Variants in HACD4 observed in about 807,000 individuals in gnomAD.
The protein encoded by HACD4 is very-long-chain (3R)-3-hydroxyacyl-CoA dehydratase 4.
HACD4 carries 35 observed loss-of-function variants against 33.3 expected under a neutral mutation model. The observed-to-expected ratio is 1.05, with a 90% CI of 0.80 to 1.39. HACD4 has a LOEUF of 1.39. HACD4 is among the 40% of genes most tolerant of loss of function. The pLI, the probability that HACD4 is intolerant of heterozygous loss-of-function variation, is 0.00. For synonymous variants in HACD4, 118 were observed against 98.0 expected (o/e 1.20, Z -1.21); for missense variants, 323 against 276.5 (o/e 1.17, Z -1.19).
intron 4 of HACD4, chr9:21,015,574 T>C (rs543996621): frequency 8.2e-5 from 15 of 183,584 alleles, no homozygotes; most frequent in Non-Finnish European, 1.2e-4. Context: ...GCTTTGCTTA[T>C]TAAAGCAACC....
At chr9:21,030,810 T>C (rs889499835) in intron 1 of HACD4, among the ~76,000 whole-genome samples, 1 of 152,168 alleles carries the variant, frequency 6.6e-6, no homozygotes, top group Admixed American at 6.5e-5. Context: ...TGTGAGTTGC[T>C]GGGGAGATGA....
chr9:21,026,489 C>T (rs1818063025), intron 3 of HACD4, 107 bp downstream of exon 3: 2 of 872,766 alleles, frequency 2.3e-6, no homozygotes, highest in Non-Finnish European at 3.6e-6. Context: ...TATCAGTGAC[C>T]TAAGACAAGG....
rs56255100 is a variant in HACD4 at position 21,029,320 on chromosome 9, T to C, written c.117A>G (p.Thr39=). 6 of 1,588,192 alleles carry C rather than the reference T, an allele frequency of 3.8e-6. No homozygotes were observed. The highest frequency in any genetic ancestry group is 5.2e-6 in the Non-Finnish European group (6 of 1,162,134). The part of the protein sequence containing the change: ...CGHSWIFTNM[T]VRFFSFGKDS... ...CTTTTCCAAATGAAAAGAATCTGAC[T>C]GTCATATTTGTAAATATCCAAGAGT... The change falls in exon 2 of 7, where the codon ACA becomes ACG. Residue 39 remains threonine (T), a synonymous_variant. Coordinates refer to ENST00000495827, the MANE Select transcript of HACD4 (RefSeq NM_001010915.5).
rs184217296 is a variant in HACD4, at chr9:21,007,838, C to T, written c.616+183G>A. 1.1e-3 allele frequency among the ~76,000 whole-genome samples: 167 copies of T among 152,220 alleles called. 1 individual carries two copies. Among genetic ancestry groups the T allele is most frequent in the Non-Finnish European group, 2.1e-3 (142 of 68,000 alleles). On this transcript the variant is annotated intron_variant, in intron 6 of 6. Coordinates refer to ENST00000495827, the MANE Select transcript of HACD4 (RefSeq NM_001010915.5). ...GTACAGTGAAAGTGAAATATATGAT[C>T]CCATGATGCCCTGCAAAAAGCATTA...
chr9:21,030,757 C>T (rs1818191681), intron 1 of HACD4, among the ~76,000 whole-genome samples: 1 of 152,186 alleles, frequency 6.6e-6, no homozygotes, highest in South Asian at 2.1e-4. Flanking sequence ...AGTTTAGTTG[C>T]TCATACCAGA....
intron 4 of HACD4, chr9:21,015,133 CA>C (rs1842526094): frequency 6.6e-6 from 1 of 152,116 alleles, no homozygotes; most frequent in Non-Finnish European, 1.5e-5. Flanking sequence ...CTCTAGGACT[CA>C]ACTTATTATT....
chr9:21,015,045 A>G (rs1190125930), intron 4 of HACD4: 1 of 152,240 alleles, frequency 6.6e-6, no homozygotes, highest in Non-Finnish European at 1.5e-5. Flanking sequence ...TAAACTATCA[A>G]TTCAAAAATG....
chr9:21,008,088 C>T lies in HACD4; in HGVS notation c.549G>A (p.Lys183=), dbSNP rs776166416. The stretch of plus-strand genomic sequence containing the variant: ...AATAGATGGATAAGTCAAAGGGCAG[C>T]TTGGTGGAATAAGTGCCAAATGATT... The part of the protein sequence containing the change: ...YFESFGTYST[K]LPFDLSIYFP... The change falls in exon 6 of 7, where the codon AAG becomes AAA. Residue 183 remains lysine (K), a synonymous_variant. Transcript: ENST00000495827. 1.9e-6 allele frequency: 3 copies of T among 1,611,056 alleles called. No individual in the cohort carries two copies. The highest frequency in any genetic ancestry group is 1.3e-5 in the African/African-American group (1 of 74,848).
intron 3 of HACD4, among the ~76,000 whole-genome samples, chr9:21,023,915 A>C (rs1400697848): frequency 6.6e-6 from 1 of 152,194 alleles, no homozygotes; most frequent in Non-Finnish European, 1.5e-5. Context: ...AAATCACATC[A>C]CAACTGTATC....
intron 5 of HACD4, among the ~76,000 whole-genome samples, chr9:21,010,061 AT>A (rs1564270200): frequency 6.6e-6 from 1 of 152,202 alleles, no homozygotes. Flanking sequence ...GATAGAAAAT[AT>A]GTGTTTTTGT....
chr9:21,026,696 A>G lies in HACD4; in HGVS notation c.170T>C (p.Ile57Thr), dbSNP rs866632737. 1 of 1,613,786 alleles carries G rather than the reference A, an allele frequency of 6.2e-7. No individual in the cohort carries two copies. The highest frequency in any genetic ancestry group is 8.5e-7 in the Non-Finnish European group (1 of 1,179,690). The change falls in exon 3 of 7, where the codon ATT (isoleucine) becomes ACT (threonine). Residue 57 changes from isoleucine (I) to threonine (T), a missense_variant. Ile to Thr is a moderately conservative substitution (Grantham distance 89). Transcript: ENST00000495827. ...KDSMVDTFYAIGLVMRLCQSV... is the reference protein window; with the variant it reads ...KDSMVDTFYATGLVMRLCQSV... ...TTGGCAAAGTCGCATCACAAGTCCA[A>G]TAGCATAAAAAGTGTCAACCATTGA...
At chr9:21,017,592 G>C (rs1312346419) in intron 3 of HACD4, among the ~76,000 whole-genome samples, 3 of 152,078 alleles carry the variant, frequency 2.0e-5, no homozygotes, top group Admixed American at 6.6e-5. Context: ...TCAGTGCTTG[G>C]TTATTAGGAA....
intron 3 of HACD4, among the ~76,000 whole-genome samples, chr9:21,020,904 T>A (rs1050424929): frequency 6.6e-6 from 1 of 152,196 alleles, no homozygotes; most frequent in Admixed American, 6.5e-5. Flanking sequence ...TCCTTTCCTT[T>A]CATATGTAAT....
rs563985843 is a variant in HACD4 at position 21,027,498 on chromosome 9, G to A, written c.143-775C>T. ...TCACACAATAATAATTTACTGAGCA[G>A]TAAGGATTTCTCTTCTCGGCAGCTC... On this transcript the variant is annotated intron_variant, in intron 2 of 6. Transcript: ENST00000495827. 1.6e-3 allele frequency among the ~76,000 whole-genome samples: 246 copies of A among 152,324 alleles called. 1 individual carries two copies. Among genetic ancestry groups the A allele is most frequent in the African/African-American group, 5.5e-3 (230 of 41,574 alleles).
rs1214948487 is a variant in HACD4 at position 21,006,752 on chromosome 9, A to G, written c.*285T>C. ...ATCTCCTATTTCTCATTAAACTTAC[A>G]GGAAAATAATCAGACTTCATACAAT... is the stretch of plus-strand genomic sequence containing the variant. On this transcript the variant is annotated 3_prime_UTR_variant, in exon 7 of 7. Transcript: ENST00000495827. The surrounding 1 kb of genome is among the most constrained non-coding windows in gnomAD (Gnocchi z 4.6). 2 of 322,944 alleles carry G rather than the reference A, an allele frequency of 6.2e-6. No homozygotes were observed. The highest frequency in any genetic ancestry group is 2.2e-5 in the African/African-American group (1 of 45,136). The allele number at this position is 322,944 out of a possible 1,614,324, so 20.0% of individuals were successfully genotyped here. A position where few individuals can be genotyped will look rare whatever the true frequency, so the allele number is the denominator to read the frequency against.
chr9:21,004,375 AATACTCT>A lies in HACD4; in HGVS notation c.*2655_*2661del, dbSNP rs2132761661. On this transcript the variant is annotated 3_prime_UTR_variant, in exon 7 of 7. Transcript: ENST00000495827. This position sits in a 1 kb window ranked among gnomAD's most constrained non-coding sequence, Gnocchi z 4.6. ...TGTTAACAAATACATGACATTAATGAATACTCTATCAGAGCACTAGGGACTGAATGCT... is the reference window on the plus strand; with the variant it reads ...TGTTAACAAATACATGACATTAATGAATCAGAGCACTAGGGACTGAATGCT... 1 of 152,322 alleles carries A rather than the reference AATACTCT, an allele frequency of 6.6e-6. No individual in the cohort carries two copies. The highest frequency in any genetic ancestry group is 2.1e-4 in the South Asian group (1 of 4,826). 9.4% of individuals were successfully genotyped at this position (152,322 alleles called of 1,614,324 possible).
intron 3 of HACD4, among the ~76,000 whole-genome samples, chr9:21,016,782 C>CTTTTTTT (rs11379547): frequency 6.7e-6 from 1 of 148,416 alleles, no homozygotes; most frequent in Non-Finnish European, 1.5e-5. Flanking sequence ...AAACTTGTAG[C>CTTTTTTT]TTTTTTTTTT....
intron 3 of HACD4, among the ~76,000 whole-genome samples, chr9:21,020,785 G>T (rs1817888921): frequency 6.6e-6 from 1 of 151,822 alleles, no homozygotes; most frequent in South Asian, 2.1e-4. Flanking sequence ...TTCAAAAATT[G>T]GAAGTCCATA....
At chr9:21,010,751 G>A (rs1842400154) in intron 5 of HACD4, among the ~76,000 whole-genome samples, 1 of 152,046 alleles carries the variant, frequency 6.6e-6, no homozygotes, top group Non-Finnish European at 1.5e-5. Flanking sequence ...TGGGAGCCCT[G>A]AGCTTATTTT....
Sources: gnomAD v4.1 joint callset for allele counts (sites outside exome capture counted in the v4.1 genomes callset) on GRCh38, gnomAD v4.1.1 for gene constraint, Gnocchi (gnomAD v3.1) non-coding constraint, MANE v1.5 for transcripts, NCBI Gene and HGNC (gene_info 2026-07-23, HGNC 2026-07-21) for gene names.